The following PCDHA13 variants were observed in gnomAD, a reference collection of about 807,000 sequenced individuals.
PCDHA13 encodes protocadherin alpha-13.
Under a neutral mutation model 64.8 loss-of-function variants are expected in PCDHA13, and 54 were observed. The observed-to-expected ratio is 0.83, with a 90% CI of 0.67 to 1.04. The LOEUF is 1.04. PCDHA13 is among the 50% of genes least tolerant of loss of function. The pLI, the probability that PCDHA13 is intolerant of heterozygous loss-of-function variation, is 0.00. For missense variants in PCDHA13, 1,248 were observed against 1,254.3 expected, an observed-to-expected ratio of 0.99 and a Z score of 0.08; for synonymous variants, 587 against 564.4, an observed-to-expected ratio of 1.04 and a Z score of -0.57.
chr5:140,882,868 G>T lies in PCDHA13; in HGVS notation c.600G>T (p.Leu200=). Residue 200 remains leucine (L), a synonymous_variant, in exon 1 of 4, where the codon CTG becomes CTT. Coordinates refer to ENST00000289272, the MANE Select transcript of PCDHA13 (RefSeq NM_018904.3). The part of the protein sequence containing the change: ...SSLSLVLRKT[L]DREEIQEHSL... ...TATCACTTGTACTGAGGAAAACACT[G>T]GACAGAGAGGAAATTCAGGAACATA... 6.2e-7 allele frequency: 1 copy of T among 1,614,184 alleles called. No homozygotes were observed. The highest frequency in any genetic ancestry group is 8.5e-7 in the Non-Finnish European group (1 of 1,180,044).
At chr5:140,931,023 T>C (rs146623712) in intron 1 of PCDHA13, among the ~76,000 whole-genome samples, 1 of 152,322 alleles carries the variant, frequency 6.6e-6, no homozygotes, top group African/African-American at 2.4e-5. Context: ...AATTTTCTGA[T>C]TGTAGAGCTA....
chr5:140,888,287 C>T (rs1371852276), intron 1 of PCDHA13, among the ~76,000 whole-genome samples: 1 of 152,072 alleles, frequency 6.6e-6, no homozygotes, highest in African/African-American at 2.4e-5. Flanking sequence ...CCCCTCTACC[C>T]CCTACCCAGG....
At chr5:140,994,726 G>A (rs774837274) in intron 3 of PCDHA13, among the ~76,000 whole-genome samples, 1 of 151,958 alleles carries the variant, frequency 6.6e-6, no homozygotes, top group Non-Finnish European at 1.5e-5. Flanking sequence ...TAAAATACTG[G>A]GTATTGCAGG....
At chr5:140,907,197 A>G (rs2073229380) in intron 1 of PCDHA13, among the ~76,000 whole-genome samples, 1 of 152,166 alleles carries the variant, frequency 6.6e-6, no homozygotes, top group Non-Finnish European at 1.5e-5. Context: ...AACCTTCTGG[A>G]GAATTTTGCC....
Position 140,883,799 on chromosome 5 carries a change from C to T in PCDHA13, c.1531C>T (p.His511Tyr). Residue 511 changes from histidine to tyrosine, a missense_variant, in exon 1 of 4, where the codon CAC (histidine) becomes TAC (tyrosine). Coordinates refer to ENST00000289272, the MANE Select transcript of PCDHA13 (RefSeq NM_018904.3). Reference sequence around the variant, plus strand: ...TGCGCTGTCGAGCTACGTGTCGGTGCACGCGGAGAGCGGCAAGGTGTACGC... The same window carrying T: ...TGCGCTGTCGAGCTACGTGTCGGTGTACGCGGAGAGCGGCAAGGTGTACGC... ...ERALSSYVSVHAESGKVYALQ... is the reference protein window; with the variant it reads ...ERALSSYVSVYAESGKVYALQ... The T allele has an allele frequency of 1.2e-6, 2 of 1,612,460 alleles. No individual in the cohort carries two copies. The highest frequency in any genetic ancestry group is 1.7e-6 in the Non-Finnish European group (2 of 1,179,764).
rs1404110882 is a variant in PCDHA13 at position 140,968,973 on chromosome 5, C to A, written c.2395-9976C>A. On this transcript the variant is annotated intron_variant, in intron 1 of 3. Transcript: ENST00000289272. ...ATCATCAAGTGCTACCGCTACACTG[C>A]GTATGGCACTGCATGCTGTGGAGGC... is the stretch of plus-strand genomic sequence containing the variant. The A allele has an allele frequency of 6.2e-7, 1 of 1,614,194 alleles. No homozygotes were observed. The highest frequency in any genetic ancestry group is 1.3e-5 in the African/African-American group (1 of 75,044).
intron 1 of PCDHA13, chr5:140,966,656 G>A: frequency 8.3e-7 from 1 of 1,203,372 alleles, no homozygotes; most frequent in East Asian, 3.0e-5. Flanking sequence ...GTGAGCGGTG[G>A]GGGAGCAGGC....
chr5:141,000,412 TATATATATA>T (rs1297219533), intron 3 of PCDHA13, among the ~76,000 whole-genome samples: 3 of 102,772 alleles, frequency 2.9e-5, no homozygotes, highest in Admixed American at 1.2e-4. Flanking sequence ...TATATATATA[TATATATATA>T]TTTTTTTTTT....
intron 1 of PCDHA13, among the ~76,000 whole-genome samples, chr5:140,932,592 T>C (rs1435571468): frequency 7.2e-5 from 11 of 151,922 alleles, no homozygotes; most frequent in Non-Finnish European, 2.9e-5. Context: ...AGATGTTTTG[T>C]ATATCTATTT....
Position 141,009,873 on chromosome 5 carries a change from A to C in PCDHA13, c.2789A>C (p.Lys930Thr), listed in dbSNP as rs782413551. The C allele has an allele frequency of 1.2e-6, 2 of 1,613,916 alleles. No homozygotes were observed. The highest frequency in any genetic ancestry group is 2.7e-5 in the African/African-American group (2 of 74,862). The change falls in exon 4 of 4, where the codon AAG (lysine) becomes ACG (threonine). Residue 930 changes from lysine to threonine, a missense_variant. Lys to Thr is a moderately conservative substitution (Grantham distance 78). Transcript: ENST00000289272. ...ACCAAGAAAAAGAAGAAAAAGAAGA[A>C]GGGTAACAAGACCCAGGAGAAAAAA... ...EETKKKKKKK[K>T]GNKTQEKKEK...
intron 1 of PCDHA13, among the ~76,000 whole-genome samples, chr5:140,941,777 T>C (rs903102270): frequency 6.6e-6 from 1 of 152,262 alleles, no homozygotes; most frequent in Admixed American, 6.5e-5. Context: ...ATTGTTTTAA[T>C]GTTTTACCCA....
In PCDHA13 at chr5:140,991,838, G is replaced by A. The variant is rs1056330823; in HGVS notation, c.2542+9275G>A. 3.3e-5 allele frequency among the ~76,000 whole-genome samples: 5 copies of A among 152,110 alleles called. No homozygotes were observed. In the East Asian group the frequency reaches 9.6e-4, roughly 29 times the overall value. ...TTTAGGCATTTATAACGGCAGAACC[G>A]CACTTCCAGATACCAAAATCTGTAT... On this transcript the variant is annotated intron_variant, in intron 3 of 3. Transcript: ENST00000289272.
chr5:140,979,615 A>G (rs965487699), intron 2 of PCDHA13, among the ~76,000 whole-genome samples: 1 of 152,258 alleles, frequency 6.6e-6, no homozygotes, highest in Non-Finnish European at 1.5e-5. Context: ...GAGTAACGGT[A>G]TTAGTCTAAG....
At chr5:140,897,915 T>C (rs2066399470) in intron 1 of PCDHA13, among the ~76,000 whole-genome samples, 1 of 152,246 alleles carries the variant, frequency 6.6e-6, no homozygotes. Context: ...ATTGTGGTTT[T>C]GATTTGCGTT....
intron 1 of PCDHA13, chr5:140,968,939 A>G: frequency 6.2e-7 from 1 of 1,614,164 alleles, no homozygotes; most frequent in South Asian, 1.1e-5. Flanking sequence ...GACAATCATC[A>G]TTTTGAGCAT....
chr5:140,928,149 T>G (rs782254175), intron 1 of PCDHA13: 3 of 1,614,194 alleles, frequency 1.9e-6, no homozygotes, highest in Non-Finnish European at 2.5e-6. Context: ...CGGCCTCAGA[T>G]AGTGGCTCAC....
In PCDHA13 at chr5:140,883,099, A is replaced by C; in HGVS notation, c.831A>C (p.Ile277=). 1 of 1,614,150 alleles carries C rather than the reference A, an allele frequency of 6.2e-7. No homozygotes were observed. ...CTGATGATGGTACAAATGGAGATAT[A>C]GTTTACTCATTTAGAAGGCCTGTAT... The part of the protein sequence containing the change: ...TDPDDGTNGD[I]VYSFRRPVWP... The change falls in exon 1 of 4, where the codon ATA becomes ATC. Residue 277 remains isoleucine (I), a synonymous_variant. Coordinates refer to ENST00000289272, the MANE Select transcript of PCDHA13 (RefSeq NM_018904.3).
chr5:140,917,294 G>A (rs1369973116), intron 1 of PCDHA13, among the ~76,000 whole-genome samples: 2 of 143,498 alleles, frequency 1.4e-5, no homozygotes, highest in Non-Finnish European at 3.0e-5. Flanking sequence ...TCCGTGTGCA[G>A]ATAGTTGTTA....
At chr5:140,967,783 C>T (rs1554229939) in intron 1 of PCDHA13, 1 of 1,614,186 alleles carries the variant, frequency 6.2e-7, no homozygotes, top group Admixed American at 1.7e-5. Flanking sequence ...AGGCGACTGA[C>T]CGGGGTCCAG....
Sources: gnomAD v4.1 joint callset for allele counts (sites outside exome capture counted in the v4.1 genomes callset) on GRCh38, gnomAD v4.1.1 for gene constraint, MANE v1.5 for transcripts, NCBI Gene and HGNC (gene_info 2026-07-23, HGNC 2026-07-21) for gene names.